NBEA: variants seen among roughly 807,000 people sequenced by gnomAD.
The protein encoded by NBEA is neurobeachin.
A neutral mutation model predicts 343.4 loss-of-function variants in NBEA; 44 were observed. That is an observed-to-expected ratio of 0.13 (90% CI 0.10 to 0.16). The LOEUF is 0.16. Among genes scored for constraint, NBEA ranks in the 10% least tolerant of loss-of-function variants. The probability of loss-of-function intolerance (pLI) is 1.00; values close to 1 mark genes in which losing one functional copy is unlikely to be tolerated. For synonymous variants in NBEA, 1,175 were observed against 1,238.7 expected, an observed-to-expected ratio of 0.95 and a Z score of 1.08; for missense variants, 2,555 against 3,631.3, an observed-to-expected ratio of 0.70 and a Z score of 7.62.
intron 34 of NBEA, among the ~76,000 whole-genome samples, chr13:35,280,098 A>T (rs1370312430): frequency 6.6e-6 from 1 of 152,190 alleles, no homozygotes; most frequent in Admixed American, 6.6e-5. Flanking sequence ...ATGTTATATT[A>T]TCCACACCTG....
intron 41 of NBEA, among the ~76,000 whole-genome samples, chr13:35,546,379 C>T (rs1420493253): frequency 6.6e-6 from 1 of 151,388 alleles, no homozygotes; most frequent in Non-Finnish European, 1.5e-5. Flanking sequence ...GTGGGAGAAT[C>T]GCTCGAACCC....
chr13:35,153,146 C>T (rs1188036611), intron 18 of NBEA, among the ~76,000 whole-genome samples: 1 of 151,266 alleles, frequency 6.6e-6, no homozygotes, highest in African/African-American at 2.4e-5. Context: ...CATTCTCCTG[C>T]CTCAGCCTCC....
intron 36 of NBEA, among the ~76,000 whole-genome samples, chr13:35,323,644 A>G (rs1013560134): frequency 2.0e-5 from 3 of 151,794 alleles, no homozygotes; most frequent in East Asian, 1.9e-4. Flanking sequence ...CAGCACACCA[A>G]CATGGCACAT....
intron 41 of NBEA, among the ~76,000 whole-genome samples, chr13:35,487,382 A>G (rs144817932): frequency 4.6e-5 from 7 of 152,132 alleles, no homozygotes; most frequent in Middle Eastern, 3.4e-3. Context: ...TAAAACTTAC[A>G]GTGAAAATTT....
chr13:35,195,108 T>C (rs17051920), intron 30 of NBEA, among the ~76,000 whole-genome samples: 6,738 of 152,182 alleles, frequency 0.044, 174 homozygotes, highest in South Asian at 0.079. Context: ...TCAGATATTA[T>C]TAGTTATTGA....
chr13:35,098,993 G>A (rs1314366177), intron 11 of NBEA, among the ~76,000 whole-genome samples: 1 of 148,716 alleles, frequency 6.7e-6, no homozygotes, highest in Non-Finnish European at 1.5e-5. Flanking sequence ...AGGGAGTACT[G>A]TAGTTGTTTC....
intron 17 of NBEA, among the ~76,000 whole-genome samples, chr13:35,128,091 G>A (rs71438061): frequency 1.8e-5 from 2 of 114,248 alleles, no homozygotes; most frequent in African/African-American, 3.3e-5. Context: ...AGAAAGGGGT[G>A]GGGGGAGGGG....
intron 10 of NBEA, among the ~76,000 whole-genome samples, chr13:35,092,007 T>C (rs1038708303): frequency 6.6e-5 from 10 of 152,018 alleles, no homozygotes; most frequent in African/African-American, 2.2e-4. Context: ...AGAATTATAC[T>C]TAACTGACTT....
At chr13:34,968,356 C>T (rs893469492) in intron 1 of NBEA, among the ~76,000 whole-genome samples, 1 of 152,012 alleles carries the variant, frequency 6.6e-6, no homozygotes, top group African/African-American at 2.4e-5. Flanking sequence ...TTTTTTTTGA[C>T]TTGGCCAGCC....
chr13:35,122,709 TA>T lies in NBEA; in HGVS notation c.2244-770del, dbSNP rs1227291568. ...CGTTGTACACATGTACCCTAGAACT[TA>T]AAGTATATAAAACAAAATCTTAGAG... On this transcript the variant is annotated intron_variant, in intron 16 of 58. Transcript: ENST00000379939. 4.6e-5 allele frequency among the ~76,000 whole-genome samples: 7 copies of T among 152,238 alleles called. No individual in the cohort carries two copies. In the South Asian group the frequency reaches 1.5e-3, roughly 32 times the overall value.
chr13:35,179,129 T>C (rs949411002), intron 28 of NBEA, among the ~76,000 whole-genome samples: 4 of 151,662 alleles, frequency 2.6e-5, no homozygotes, highest in African/African-American at 9.7e-5. Flanking sequence ...CTGTGAAATA[T>C]GGTGATGAAA....
At chr13:35,338,883 G>A (rs2039422705) in intron 36 of NBEA, among the ~76,000 whole-genome samples, 1 of 152,052 alleles carries the variant, frequency 6.6e-6, no homozygotes, top group Non-Finnish European at 1.5e-5. Flanking sequence ...TTGCTGAAAT[G>A]ACTGGGAGAA....
intron 37 of NBEA, 27 bp from the exon 38 acceptor site, chr13:35,352,130 T>G (rs1421523866): frequency 7.4e-7 from 1 of 1,357,248 alleles, no homozygotes; most frequent in East Asian, 2.8e-5. Context: ...AAGTTTATTA[T>G]TATGCATCAT....
At chr13:35,082,129 A>G (rs1380988905) in intron 10 of NBEA, among the ~76,000 whole-genome samples, 2 of 151,468 alleles carry the variant, frequency 1.3e-5, no homozygotes, top group East Asian at 1.9e-4. Context: ...ATGTTTTCTC[A>G]TTGTTCATTT....
chr13:35,009,918 G>A (rs1339424714), intron 1 of NBEA, among the ~76,000 whole-genome samples: 3 of 152,152 alleles, frequency 2.0e-5, no homozygotes, highest in African/African-American at 7.2e-5. Flanking sequence ...GCATGAGAAA[G>A]TCAGGAGTTA....
At position 35,289,811 on chromosome 13, in the gene NBEA, G is replaced by A. The variant is rs74708104; in HGVS notation, c.5777-578G>A. Among the ~76,000 whole-genome samples the A allele has an allele frequency of 1.0e-3, 157 of 151,824 alleles. 1 individual carries two copies. The highest frequency in any genetic ancestry group is 3.6e-3 in the African/African-American group (150 of 41,498). The stretch of plus-strand genomic sequence containing the variant: ...GTTTTTTTCTTCTGCTATCTATTTG[G>A]GGAGATTGGAGTATAACGGTGAAAT... On this transcript the variant is annotated intron_variant, in intron 34 of 58. Transcript: ENST00000379939.
chr13:35,115,527 T>G (rs2066450355), intron 13 of NBEA, among the ~76,000 whole-genome samples: 1 of 152,140 alleles, frequency 6.6e-6, no homozygotes, highest in Admixed American at 6.5e-5. Flanking sequence ...TTTACTATGT[T>G]TTACTCTTGC....
chr13:35,208,062 A>T (rs1448096727), intron 31 of NBEA, among the ~76,000 whole-genome samples: 1 of 152,112 alleles, frequency 6.6e-6, no homozygotes, highest in African/African-American at 2.4e-5. Context: ...TCTACTAAAA[A>T]TACAAAAATT....
At chr13:35,125,308 A>G (rs1356834876) in intron 17 of NBEA, among the ~76,000 whole-genome samples, 4 of 152,168 alleles carry the variant, frequency 2.6e-5, no homozygotes, top group Non-Finnish European at 5.9e-5. Context: ...ATGCAAAGAG[A>G]ATGGTGAGAG....
Sources: gnomAD v4.1 joint callset for allele counts (sites outside exome capture counted in the v4.1 genomes callset) on GRCh38, gnomAD v4.1.1 for gene constraint, MANE v1.5 for transcripts, NCBI Gene and HGNC (gene_info 2026-07-23, HGNC 2026-07-21) for gene names.